GUCY1A2: variants seen among roughly 807,000 people sequenced by gnomAD.
GUCY1A2 encodes guanylate cyclase soluble subunit alpha-2.
A neutral mutation model predicts 63.5 loss-of-function variants in GUCY1A2; 27 were observed. The ratio of observed to expected loss-of-function variants is 0.43; its 90% CI spans 0.31 to 0.59. GUCY1A2 has a LOEUF of 0.59. GUCY1A2 is among the 20% of genes least tolerant of loss of function. GUCY1A2 has a pLI of 0.11. For synonymous variants in GUCY1A2, 364 were observed against 343.5 expected (o/e 1.06, Z -0.66); for missense variants, 768 against 913.3 (o/e 0.84, Z 2.05).
intron 5 of GUCY1A2, among the ~76,000 whole-genome samples, chr11:106,800,756 G>A (rs914958237): frequency 2.0e-5 from 3 of 152,050 alleles, no homozygotes; most frequent in African/African-American, 7.2e-5. Flanking sequence ...GGGGAAGGGG[G>A]AGGGATAGCA....
At chr11:106,827,261 T>C in intron 4 of GUCY1A2, 1 of 1,552,114 alleles carries the variant, frequency 6.4e-7, no homozygotes. Context: ...GTTGTATATC[T>C]GGTTCTTTTA....
chr11:107,003,886 G>T (rs1187834301), intron 1 of GUCY1A2, among the ~76,000 whole-genome samples: 1 of 152,182 alleles, frequency 6.6e-6, no homozygotes, highest in South Asian at 2.1e-4. Context: ...GGGTAGAGAA[G>T]AAAGCAGAAT....
intron 6 of GUCY1A2, among the ~76,000 whole-genome samples, chr11:106,709,259 A>G (rs1862985130): frequency 1.9e-5 from 1 of 53,446 alleles, no homozygotes; most frequent in Non-Finnish European, 3.1e-5. Context: ...TATAATATAT[A>G]TAAATATATT....
At chr11:106,910,069 T>C (rs1372779426) in intron 4 of GUCY1A2, among the ~76,000 whole-genome samples, 1 of 152,008 alleles carries the variant, frequency 6.6e-6, no homozygotes, top group Non-Finnish European at 1.5e-5. Context: ...TGCATTTATG[T>C]ATAAAAGTTA....
At chr11:106,864,219 A>G (rs201982938) in intron 4 of GUCY1A2, among the ~76,000 whole-genome samples, 1 of 151,582 alleles carries the variant, frequency 6.6e-6, no homozygotes, top group Non-Finnish European at 1.5e-5. Flanking sequence ...TATAATAATA[A>G]TAAGAAGAAG....
intron 1 of GUCY1A2, among the ~76,000 whole-genome samples, chr11:106,998,262 T>C (rs1861566741): frequency 1.3e-5 from 2 of 151,990 alleles, no homozygotes; most frequent in Admixed American, 1.3e-4. Context: ...TAATGGAAAA[T>C]TAGTAACTTG....
intron 6 of GUCY1A2, among the ~76,000 whole-genome samples, chr11:106,739,834 C>T (rs1863659242): frequency 1.3e-5 from 2 of 151,944 alleles, no homozygotes; most frequent in Non-Finnish European, 2.9e-5. Context: ...TTGTGTTTCC[C>T]CTCCCTCCTG....
chr11:106,752,316 A>G (rs1054270737), intron 6 of GUCY1A2, among the ~76,000 whole-genome samples: 2 of 152,246 alleles, frequency 1.3e-5, no homozygotes, highest in Non-Finnish European at 2.9e-5. Flanking sequence ...GAATGGCAAT[A>G]ATCTGGAATG....
At chr11:106,779,369 C>A (rs1168076282) in intron 5 of GUCY1A2, among the ~76,000 whole-genome samples, 2 of 152,130 alleles carry the variant, frequency 1.3e-5, no homozygotes, top group Non-Finnish European at 2.9e-5. Context: ...CTAAAATGTG[C>A]CTATTTACCA....
At position 106,939,212 on chromosome 11, in the gene GUCY1A2, C is replaced by T. The variant is rs561430991; in HGVS notation, c.1206+248G>A. ...GTGAGTTCTATCATTTTTGTAATTG[C>T]TATAGCTAGTATTAATAAATGTCTT... On this transcript the variant is annotated intron_variant, in intron 4 of 7. Transcript: ENST00000526355. Among the ~76,000 whole-genome samples, 6 of 152,206 alleles carry T rather than the reference C, an allele frequency of 3.9e-5. No homozygotes were observed. The South Asian group carries it at 8.3e-4, about 21-fold the overall frequency.
At chr11:106,936,211 A>G (rs1214851454) in intron 4 of GUCY1A2, among the ~76,000 whole-genome samples, 1 of 152,224 alleles carries the variant, frequency 6.6e-6, no homozygotes, top group Non-Finnish European at 1.5e-5. Flanking sequence ...CATGGACTAA[A>G]TATTAACTGC....
intron 7 of GUCY1A2, among the ~76,000 whole-genome samples, chr11:106,689,442 T>C (rs1041151998): frequency 3.3e-5 from 5 of 152,148 alleles, no homozygotes; most frequent in African/African-American, 1.2e-4. Flanking sequence ...TATAGTTGTA[T>C]GCAAAAGCTA....
intron 4 of GUCY1A2, among the ~76,000 whole-genome samples, chr11:106,835,952 AG>A (rs1859111715): frequency 6.6e-6 from 1 of 152,032 alleles, no homozygotes; most frequent in Admixed American, 6.6e-5. Flanking sequence ...GGTAAATCTA[AG>A]CAAAAATTTT....
At chr11:106,900,224 C>T (rs766944284) in intron 4 of GUCY1A2, among the ~76,000 whole-genome samples, 14 of 152,090 alleles carry the variant, frequency 9.2e-5, no homozygotes, top group Admixed American at 2.6e-4. Flanking sequence ...TTCTCTATCA[C>T]CCAGGCTGGA....
chr11:106,939,233 GTCT>G (rs1389940143), intron 4 of GUCY1A2, among the ~76,000 whole-genome samples: 4 of 152,134 alleles, frequency 2.6e-5, no homozygotes, highest in African/African-American at 7.2e-5. Flanking sequence ...ATTAATAAAT[GTCT>G]TCTTTTTATA....
intron 1 of GUCY1A2, among the ~76,000 whole-genome samples, chr11:107,012,883 A>G (rs1861767146): frequency 6.6e-6 from 1 of 152,168 alleles, no homozygotes; most frequent in Admixed American, 6.5e-5. Flanking sequence ...CTACCTTACG[A>G]ATATATTTTT....
intron 1 of GUCY1A2, among the ~76,000 whole-genome samples, chr11:106,991,462 C>A (rs1330871449): frequency 1.3e-5 from 2 of 152,168 alleles, no homozygotes; most frequent in Admixed American, 1.3e-4. Flanking sequence ...GTCTACGTGC[C>A]ACCCCCAGAT....
intron 1 of GUCY1A2, among the ~76,000 whole-genome samples, chr11:106,998,361 T>C (rs1215459989): frequency 6.6e-6 from 1 of 152,180 alleles, no homozygotes; most frequent in Non-Finnish European, 1.5e-5. Flanking sequence ...GTTTCTGACA[T>C]GGCATCATGT....
intron 4 of GUCY1A2, among the ~76,000 whole-genome samples, chr11:106,835,354 A>T (rs960133915): frequency 3.3e-5 from 5 of 151,944 alleles, no homozygotes; most frequent in Admixed American, 2.6e-4. Context: ...GAACTGGAAG[A>T]TCTAAAAATA....
Sources: allele counts gnomAD v4.1 joint callset (sites outside exome capture counted in the v4.1 genomes callset), GRCh38; gene constraint gnomAD v4.1.1; transcripts MANE v1.5; gene names NCBI Gene and HGNC (gene_info 2026-07-23, HGNC 2026-07-21).